The following KANSL1L variants were observed in gnomAD, a reference collection of about 807,000 sequenced individuals.
KANSL1L encodes the protein KAT8 regulatory NSL complex subunit 1-like protein.
A neutral mutation model predicts 108.6 loss-of-function variants in KANSL1L; 25 were observed. The ratio of observed to expected loss-of-function variants is 0.23; its 90% CI spans 0.17 to 0.32. The LOEUF (loss-of-function observed/expected upper bound fraction) is 0.32. Among genes scored for constraint, KANSL1L ranks in the 10% least tolerant of loss-of-function variants. The pLI is 1.00. For synonymous variants in KANSL1L, 405 were observed against 395.1 expected, an observed-to-expected ratio of 1.03 and a Z score of -0.30; for missense variants, 1,137 against 1,125.7, an observed-to-expected ratio of 1.01 and a Z score of -0.14.
intron 12 of KANSL1L, among the ~76,000 whole-genome samples, chr2:210,026,629 G>A (rs1166246349): frequency 1.3e-5 from 2 of 152,168 alleles, no homozygotes; most frequent in African/African-American, 4.8e-5. Flanking sequence ...TTGGTCCTAA[G>A]ATTCTGAAAA....
At chr2:210,142,332 T>C (rs767669375) in intron 2 of KANSL1L, among the ~76,000 whole-genome samples, 6 of 152,094 alleles carry the variant, frequency 3.9e-5, no homozygotes, top group Non-Finnish European at 7.4e-5. Context: ...ATTTCTGTGG[T>C]ATCAGCTGTA....
intron 4 of KANSL1L, among the ~76,000 whole-genome samples, chr2:210,101,200 TC>T (rs1431083046): frequency 6.6e-6 from 1 of 152,160 alleles, no homozygotes; most frequent in Non-Finnish European, 1.5e-5. Context: ...AGGACCAGCT[TC>T]ATGGGCATGT....
rs534016317 is a variant in KANSL1L, at chr2:210,146,008, G to C, written c.1088+7487C>G. Among the ~76,000 whole-genome samples, 25 of 152,248 alleles carry C rather than the reference G, an allele frequency of 1.6e-4. 1 individual carries two copies. The highest frequency in any genetic ancestry group is 4.8e-4 in the African/African-American group (20 of 41,554). ...CTTCTTGGTGGTGGTGGTGGGGGTA[G>C]AGGGTGCAACCACATCCTCCTCTTT... On this transcript the variant is annotated intron_variant, in intron 2 of 14. Coordinates refer to ENST00000281772, the MANE Select transcript of KANSL1L (RefSeq NM_152519.4).
chr2:210,157,574 C>A (rs545716685), intron 1 of KANSL1L, among the ~76,000 whole-genome samples: 1 of 150,434 alleles, frequency 6.6e-6, no homozygotes, highest in Non-Finnish European at 1.5e-5. Flanking sequence ...GCCAGTGGTC[C>A]CAGCTACTTG....
At chr2:210,157,943 C>T (rs533475020) in intron 1 of KANSL1L, among the ~76,000 whole-genome samples, 7 of 151,918 alleles carry the variant, frequency 4.6e-5, no homozygotes, top group African/African-American at 1.7e-4. Context: ...AAATACAATT[C>T]GTAGCAAAAA....
chr2:210,092,008 TTATTAC>T (rs1264049697), intron 5 of KANSL1L, among the ~76,000 whole-genome samples: 2 of 152,214 alleles, frequency 1.3e-5, no homozygotes, highest in Non-Finnish European at 2.9e-5. Flanking sequence ...CTGGCTCCTG[TTATTAC>T]TATTGAGAAG....
rs781610403 is a variant in KANSL1L at position 210,031,420 on chromosome 2, C to A, written c.2155+1G>T. The A allele has an allele frequency of 8.8e-6, 14 of 1,591,792 alleles. No individual in the cohort carries two copies. Among genetic ancestry groups the A allele is most frequent in the Non-Finnish European group, 3.4e-6 (4 of 1,164,282 alleles). ...CTGCTTATATCCTCACTTTAACCTA[C>A]CTAATGCTGTTTCACTCAAATGTCT... On this transcript the variant is annotated splice_donor_variant, in intron 9 of 14. Transcript: ENST00000281772. LOFTEE classifies it high-confidence loss of function.
intron 6 of KANSL1L, among the ~76,000 whole-genome samples, chr2:210,055,508 C>G (rs1279724783): frequency 6.6e-6 from 1 of 152,156 alleles, no homozygotes; most frequent in Admixed American, 6.5e-5. Context: ...TTCCTAGAGG[C>G]TTGGAGGCTC....
rs960964834 is a variant in KANSL1L at position 210,044,720 on chromosome 2, C to T, written c.1756-616G>A. The stretch of plus-strand genomic sequence containing the variant: ...TGAACCTAATAAAATGATTACATGA[C>T]TTTTCTTCTGTACTCTATTATAAAG... On this transcript the variant is annotated intron_variant, in intron 6 of 14. Transcript: ENST00000281772. The surrounding 1 kb of genome is among the most constrained non-coding windows in gnomAD (Gnocchi z 4.2). Among the ~76,000 whole-genome samples, 2 of 151,712 alleles carry T rather than the reference C, an allele frequency of 1.3e-5. No homozygotes were observed. The highest frequency in any genetic ancestry group is 4.8e-5 in the African/African-American group (2 of 41,272).
At chr2:210,141,053 A>C (rs988526815) in intron 2 of KANSL1L, among the ~76,000 whole-genome samples, 11 of 152,046 alleles carry the variant, frequency 7.2e-5, no homozygotes, top group Non-Finnish European at 1.2e-4. Context: ...TCATCAGCAA[A>C]GAAAATTTAA....
chr2:210,023,975 AC>A, intron 14 of KANSL1L, 57 bp downstream of exon 14: 1 of 1,201,790 alleles, frequency 8.3e-7, no homozygotes, highest in Non-Finnish European at 1.1e-6. Flanking sequence ...AGTAGTTTCT[AC>A]AAACAAGTAG....
chr2:210,164,406 T>C (rs2095376274), intron 1 of KANSL1L, among the ~76,000 whole-genome samples: 1 of 152,164 alleles, frequency 6.6e-6, no homozygotes, highest in Non-Finnish European at 1.5e-5. Context: ...TTTCTAATTA[T>C]TTAGGTTTCC....
rs2093975864 is a variant in KANSL1L at position 210,028,903 on chromosome 2, A to G, written c.2338T>C (p.Ser780Pro). Residue 780 changes from serine to proline, a missense_variant, in exon 11 of 15, where the codon TCA (serine) becomes CCA (proline). Around this residue, in one of 3 missense-constraint regions of KANSL1L, gnomAD observed 575 missense variants for 567.1 expected, o/e 1.01. Transcript: ENST00000281772. ...YDIDNIVIPM[S>P]LVAPAKLEKL... is the part of the protein sequence containing the mutation. Reference sequence around the variant, plus strand: ...TCTAATTTAGCTGGGGCTACTAATGACATGGGAATCACAATGTTATCTATG... The same window carrying G: ...TCTAATTTAGCTGGGGCTACTAATGGCATGGGAATCACAATGTTATCTATG... The G allele has an allele frequency of 6.2e-7, 1 of 1,604,712 alleles. No individual in the cohort carries two copies. Among genetic ancestry groups the G allele is most frequent in the East Asian group, 2.2e-5 (1 of 44,724 alleles).
intron 6 of KANSL1L, among the ~76,000 whole-genome samples, chr2:210,059,314 A>G (rs913873251): frequency 6.6e-6 from 1 of 152,208 alleles, no homozygotes; most frequent in South Asian, 2.1e-4. Context: ...ACCACCTGCC[A>G]GAAGAGCAAG....
rs761160581 is a variant in KANSL1L at position 210,154,295 on chromosome 2, A to G, written c.288T>C (p.Tyr96=). ...TGGGCTCCCCTAATTTCTTTTGTTTATAATTCTCATTGTGTTTATTTAATG... is the reference window on the plus strand; with the variant it reads ...TGGGCTCCCCTAATTTCTTTTGTTTGTAATTCTCATTGTGTTTATTTAATG... ...NSTLNKHNEN[Y]KQKKLGEPSC... The change falls in exon 2 of 15, where the codon TAT becomes TAC. Residue 96 remains tyrosine, a synonymous_variant. Coordinates refer to ENST00000281772, the MANE Select transcript of KANSL1L (RefSeq NM_152519.4). The G allele has an allele frequency of 1.2e-6, 2 of 1,613,152 alleles. No individual in the cohort carries two copies. The highest frequency in any genetic ancestry group is 3.3e-5 in the Admixed American group (2 of 59,970).
At chr2:210,117,958 G>GT (rs1428970906) in intron 3 of KANSL1L, among the ~76,000 whole-genome samples, 1 of 152,034 alleles carries the variant, frequency 6.6e-6, no homozygotes, top group African/African-American at 2.4e-5. Context: ...GAGGTTGGGA[G>GT]TTTGAGACTA....
chr2:210,089,923 T>A (rs1381143313), intron 5 of KANSL1L, among the ~76,000 whole-genome samples: 1 of 152,108 alleles, frequency 6.6e-6, no homozygotes. Flanking sequence ...ATAATGAATG[T>A]CTTTAGTAAC....
chr2:210,141,173 CTTTT>C (rs2095225641), intron 2 of KANSL1L, among the ~76,000 whole-genome samples: 1 of 148,998 alleles, frequency 6.7e-6, no homozygotes, highest in South Asian at 2.1e-4. Context: ...TGTTTTCTTT[CTTTT>C]CTTTCTCTCC....
At chr2:210,170,484 G>C (rs965374758) in intron 1 of KANSL1L, 3 of 633,700 alleles carry the variant, frequency 4.7e-6, no homozygotes, top group Non-Finnish European at 5.9e-6. Context: ...ATACCGCCTG[G>C]TATTTCTTGC....
Sources: allele counts gnomAD v4.1 joint callset (sites outside exome capture counted in the v4.1 genomes callset), GRCh38; gene constraint gnomAD v4.1.1; regional missense constraint gnomAD v4.1.1; non-coding constraint Gnocchi (gnomAD v3.1); transcripts MANE v1.5; gene names NCBI Gene and HGNC (gene_info 2026-07-23, HGNC 2026-07-21).